The following NCALD variants were observed in gnomAD, a reference collection of about 807,000 sequenced individuals.
NCALD encodes neurocalcin-delta.
NCALD carries 10 observed loss-of-function variants against 18.6 expected under a neutral mutation model. That is an observed-to-expected ratio of 0.54 (90% CI 0.33 to 0.91). The LOEUF (loss-of-function observed/expected upper bound fraction) is 0.91. Among genes scored for constraint, NCALD ranks in the 40% least tolerant of loss-of-function variants. The pLI is 0.03. For missense variants in NCALD, 184 were observed against 247.6 expected (o/e 0.74, Z 1.72); for synonymous variants, 88 against 87.4 (o/e 1.01, Z -0.04).
At chr8:101,977,038 T>C (rs1487275684) in intron 2 of NCALD, among the ~76,000 whole-genome samples, 2 of 152,108 alleles carry the variant, frequency 1.3e-5, no homozygotes, top group African/African-American at 4.8e-5. Flanking sequence ...CATGATCTTT[T>C]CTGAATCTTC....
intron 1 of NCALD, among the ~76,000 whole-genome samples, chr8:102,051,722 T>C (rs768959559): frequency 1.3e-5 from 2 of 152,182 alleles, no homozygotes; most frequent in African/African-American, 2.4e-5. Flanking sequence ...CGAAGGGCAA[T>C]AGCCTTGAAC....
chr8:102,120,036 TTAAA>T (rs1298604859), intron 1 of NCALD, among the ~76,000 whole-genome samples: 3 of 152,218 alleles, frequency 2.0e-5, no homozygotes, highest in African/African-American at 7.2e-5. Context: ...TAAACTCACT[TTAAA>T]TACTCTGTTC....
At chr8:102,023,677 C>T (rs2132111054) in intron 1 of NCALD, among the ~76,000 whole-genome samples, 1 of 152,300 alleles carries the variant, frequency 6.6e-6, no homozygotes, top group South Asian at 2.1e-4. Context: ...ATATGGCCTT[C>T]AAGCTAGGAA....
At chr8:102,118,774 A>C (rs1380397937) in intron 1 of NCALD, among the ~76,000 whole-genome samples, 3 of 152,154 alleles carry the variant, frequency 2.0e-5, no homozygotes, top group African/African-American at 4.8e-5. Context: ...CCTTCCGATC[A>C]TGCCATTATC....
intron 2 of NCALD, among the ~76,000 whole-genome samples, chr8:101,995,114 A>G (rs1821189360): frequency 6.6e-6 from 1 of 152,190 alleles, no homozygotes; most frequent in Admixed American, 6.5e-5. Flanking sequence ...ACATCAAATT[A>G]TATTACAATA....
intron 1 of NCALD, among the ~76,000 whole-genome samples, chr8:101,745,139 A>G (rs1384223299): frequency 1.3e-5 from 2 of 152,138 alleles, no homozygotes; most frequent in Admixed American, 1.3e-4. Flanking sequence ...TAATTGCAGA[A>G]AAAAGAAAAT....
Position 101,731,471 on chromosome 8 carries a change from C to T in NCALD, c.-19-11823G>A, listed in dbSNP as rs561464322. Among the ~76,000 whole-genome samples, 7 of 152,214 alleles carry T rather than the reference C, an allele frequency of 4.6e-5. No homozygotes were observed. In the South Asian group the frequency reaches 6.2e-4, roughly 14 times the overall value. The stretch of plus-strand genomic sequence containing the variant: ...ACACATCTTGCAAGCTTACATACCC[C>T]CTAAGATGAGAATTAAATTGGAAAT... On this transcript the variant is annotated intron_variant, in intron 1 of 3. Coordinates refer to ENST00000220931, the MANE Select transcript of NCALD (RefSeq NM_032041.3).
intron 1 of NCALD, among the ~76,000 whole-genome samples, chr8:101,778,256 C>A (rs1811874228): frequency 6.6e-6 from 1 of 152,174 alleles, no homozygotes; most frequent in African/African-American, 2.4e-5. Flanking sequence ...TACGTAACTG[C>A]CAAAGAAATC....
intron 3 of NCALD, among the ~76,000 whole-genome samples, chr8:101,891,138 A>AT (rs766573782): frequency 1.0e-3 from 155 of 150,400 alleles, no homozygotes; most frequent in Middle Eastern, 3.5e-3. Flanking sequence ...CCCATATGTA[A>AT]TTTTTTTTTT....
chr8:101,838,110 G>A (rs1394749181), intron 4 of NCALD, among the ~76,000 whole-genome samples: 2 of 152,106 alleles, frequency 1.3e-5, no homozygotes, highest in African/African-American at 2.4e-5. Flanking sequence ...TAACATTTTT[G>A]TTGTGACAAC....
At chr8:101,749,378 A>G (rs949303516) in intron 1 of NCALD, among the ~76,000 whole-genome samples, 3 of 152,144 alleles carry the variant, frequency 2.0e-5, no homozygotes, top group African/African-American at 4.8e-5. Flanking sequence ...TACTTTTTGA[A>G]TAGGATTTAA....
chr8:101,874,719 G>A (rs1816159577), intron 4 of NCALD, among the ~76,000 whole-genome samples: 1 of 152,000 alleles, frequency 6.6e-6, no homozygotes, highest in African/African-American at 2.4e-5. Flanking sequence ...GTAGAGACGA[G>A]GTCTTACTAT....
chr8:102,085,607 AT>A (rs1348141102), intron 1 of NCALD, among the ~76,000 whole-genome samples: 1 of 142,316 alleles, frequency 7.0e-6, no homozygotes, highest in African/African-American at 2.6e-5. Flanking sequence ...ATAAAAAAAA[AT>A]TAGCTGGGCA....
intron 4 of NCALD, among the ~76,000 whole-genome samples, chr8:101,862,758 A>G (rs1339545904): frequency 6.6e-6 from 1 of 152,222 alleles, no homozygotes; most frequent in African/African-American, 2.4e-5. Context: ...ATGTTAGGTC[A>G]CATGCCCTGT....
chr8:101,957,068 T>C (rs1416279893), intron 2 of NCALD, among the ~76,000 whole-genome samples: 1 of 152,128 alleles, frequency 6.6e-6, no homozygotes, highest in Admixed American at 6.6e-5. Context: ...ATTAACCCAC[T>C]GGGATGCTTG....
intron 2 of NCALD, among the ~76,000 whole-genome samples, chr8:101,918,070 G>C (rs950150111): frequency 3.9e-5 from 6 of 152,042 alleles, no homozygotes; most frequent in African/African-American, 1.4e-4. Context: ...AAACACAGAA[G>C]CAAAAATCCT....
intron 1 of NCALD, among the ~76,000 whole-genome samples, chr8:101,747,665 C>T (rs1447465001): frequency 2.0e-5 from 3 of 151,986 alleles, no homozygotes; most frequent in Admixed American, 6.6e-5. Flanking sequence ...ATTATCTCCT[C>T]TTTAAGCCTA....
At chr8:101,714,962 A>T (rs562258171) in intron 2 of NCALD, among the ~76,000 whole-genome samples, 1 of 149,698 alleles carries the variant, frequency 6.7e-6, no homozygotes, top group East Asian at 2.0e-4. Flanking sequence ...GCGCCACTGC[A>T]GTCCACAGTC....
At chr8:102,103,798 A>C (rs1035920042) in intron 1 of NCALD, among the ~76,000 whole-genome samples, 1 of 152,250 alleles carries the variant, frequency 6.6e-6, no homozygotes, top group Non-Finnish European at 1.5e-5. Flanking sequence ...TCAACATTAC[A>C]TGAAAATCAA....
Sources: gnomAD v4.1 joint callset for allele counts (sites outside exome capture counted in the v4.1 genomes callset) on GRCh38, gnomAD v4.1.1 for gene constraint, MANE v1.5 for transcripts, NCBI Gene and HGNC (gene_info 2026-07-23, HGNC 2026-07-21) for gene names.